Variants in TANC1 observed in about 807,000 individuals in gnomAD.
TANC1 encodes the protein tetratricopeptide repeat, ankyrin repeat and coiled-coil containing 1.
A neutral mutation model predicts 149.7 loss-of-function variants in TANC1; 77 were observed. That is an observed-to-expected ratio of 0.51 (90% CI 0.43 to 0.62). The LOEUF (loss-of-function observed/expected upper bound fraction) is 0.62, where lower values mean the gene tolerates loss of function less well. TANC1 is among the 20% of genes least tolerant of loss of function. The pLI is 0.00. For missense variants in TANC1, 1,985 were observed against 2,321.8 expected, an observed-to-expected ratio of 0.85 and a Z score of 2.98; for synonymous variants, 854 against 925.0, an observed-to-expected ratio of 0.92 and a Z score of 1.39.
intron 3 of TANC1, among the ~76,000 whole-genome samples, chr2:159,095,725 G>A (rs2046039583): frequency 1.0e-5 from 1 of 95,264 alleles, no homozygotes; most frequent in Admixed American, 1.6e-4. Context: ...AACACAGCAA[G>A]ACTGTCTCAA....
intron 2 of TANC1, among the ~76,000 whole-genome samples, chr2:159,010,669 G>A (rs956466120): frequency 6.0e-5 from 4 of 66,828 alleles, no homozygotes; most frequent in Admixed American, 1.5e-4. Context: ...TCAAGGATGT[G>A]GACGGACAGG....
At chr2:159,053,304 A>G (rs2041608978) in intron 2 of TANC1, among the ~76,000 whole-genome samples, 1 of 152,104 alleles carries the variant, frequency 6.6e-6, no homozygotes, top group Admixed American at 6.5e-5. Context: ...AAAAAAATAA[A>G]GCTATTGTCC....
chr2:159,041,583 C>T (rs562687248), intron 2 of TANC1, among the ~76,000 whole-genome samples: 25 of 152,338 alleles, frequency 1.6e-4, no homozygotes, highest in East Asian at 3.9e-4. Context: ...GAGCGGGACC[C>T]GCTGAGCCAG....
At chr2:159,031,894 G>A (rs960006120) in intron 2 of TANC1, among the ~76,000 whole-genome samples, 1 of 152,160 alleles carries the variant, frequency 6.6e-6, no homozygotes, top group Non-Finnish European at 1.5e-5. Context: ...GTCAACTGAA[G>A]CTTGCCTTAT....
In TANC1 at chr2:159,103,199, A is replaced by C. The variant is rs1310781026; in HGVS notation, c.259+5365A>C. Among the ~76,000 whole-genome samples the C allele has an allele frequency of 4.2e-5, 4 of 95,858 alleles. 2 individuals are homozygous for C. Among genetic ancestry groups the C allele is most frequent in the Non-Finnish European group, 1.2e-4 (4 of 34,464 alleles). 62.9% of individuals were successfully genotyped at this position (95,858 alleles called of 152,430 possible). A position where few individuals can be genotyped will look rare whatever the true frequency, so the allele number is the denominator to read the frequency against. ...ACAACCCATCTTTAGAACTTCCAAC[A>C]GGAATACTTTTGTCCAGTGATATTT... On this transcript the variant is annotated intron_variant, in intron 4 of 26. Coordinates refer to ENST00000263635, the MANE Select transcript of TANC1 (RefSeq NM_033394.3).
intron 2 of TANC1, among the ~76,000 whole-genome samples, chr2:159,025,129 T>C (rs1160944867): frequency 1.3e-5 from 2 of 152,148 alleles, no homozygotes; most frequent in Non-Finnish European, 2.9e-5. Flanking sequence ...TAACTTCCTT[T>C]CTTGCTTTCT....
intron 1 of TANC1, among the ~76,000 whole-genome samples, chr2:158,993,213 G>T (rs755433042): frequency 2.6e-5 from 4 of 152,190 alleles, no homozygotes; most frequent in African/African-American, 9.6e-5. Context: ...CTTTGGTTCA[G>T]TTCTCCTAAC....
rs565753912 is a variant in TANC1, at chr2:159,175,850, G to A, written c.1736-502G>A. ...TAAATAGAAAACCAGATTCAGGCTCGCAGAGAAGAGCCCTGTTGGAGGAGT... is the reference window on the plus strand; with the variant it reads ...TAAATAGAAAACCAGATTCAGGCTCACAGAGAAGAGCCCTGTTGGAGGAGT... On this transcript the variant is annotated intron_variant, in intron 12 of 26. Coordinates refer to ENST00000263635, the MANE Select transcript of TANC1 (RefSeq NM_033394.3). Among the ~76,000 whole-genome samples, 263 of 152,352 alleles carry A rather than the reference G, an allele frequency of 1.7e-3. 2 individuals are homozygous for A. Among genetic ancestry groups the A allele is most frequent in the Middle Eastern group, 0.014 (4 of 294 alleles).
chr2:159,215,597 C>T (rs527348853), intron 19 of TANC1, among the ~76,000 whole-genome samples: 1 of 152,354 alleles, frequency 6.6e-6, no homozygotes, highest in East Asian at 1.9e-4. Flanking sequence ...ACCAGCATCA[C>T]TGAGCCCTTG....
intron 2 of TANC1, among the ~76,000 whole-genome samples, chr2:159,043,756 T>C (rs2040833808): frequency 6.6e-6 from 1 of 152,238 alleles, no homozygotes; most frequent in African/African-American, 2.4e-5. Flanking sequence ...AATTTTCACA[T>C]TTTTAATAAG....
chr2:158,987,860 G>T (rs1029956122), intron 1 of TANC1, among the ~76,000 whole-genome samples: 1 of 152,152 alleles, frequency 6.6e-6, no homozygotes, highest in Non-Finnish European at 1.5e-5. Context: ...TGGGCGGGAA[G>T]GTGAAGGCTG....
chr2:159,226,614 T>TCA (rs2060039881), intron 24 of TANC1: 1 of 152,246 alleles, frequency 6.6e-6, no homozygotes, highest in Non-Finnish European at 1.5e-5. Flanking sequence ...GAAGACTGAA[T>TCA]TAATTTTTTC....
intron 2 of TANC1, among the ~76,000 whole-genome samples, chr2:159,061,987 C>T (rs1239077161): frequency 6.6e-6 from 1 of 152,146 alleles, no homozygotes; most frequent in Non-Finnish European, 1.5e-5. Context: ...CCTGTAATCC[C>T]AGCACTTTGG....
At chr2:159,136,061 C>CGAGT in intron 4 of TANC1, 133 bp from the exon 5 acceptor site, 1 of 467,470 alleles carries the variant, frequency 2.1e-6, no homozygotes, top group Non-Finnish European at 3.8e-6. Flanking sequence ...CGCGCGCGCG[C>CGAGT]GTTTAAGGGA....
At chr2:159,194,206 T>A in intron 16 of TANC1, 51 bp from the exon 17 acceptor site, 1 of 1,465,018 alleles carries the variant, frequency 6.8e-7, no homozygotes. Flanking sequence ...TTTCCAGAAA[T>A]GTTTAGATGA....
chr2:159,065,723 A>G, intron 2 of TANC1, among the ~76,000 whole-genome samples, 173 bp from the exon 3 acceptor site: 1 of 151,634 alleles, frequency 6.6e-6, no homozygotes, highest in East Asian at 1.9e-4. Flanking sequence ...TTGTGTCTTC[A>G]GCATTTAGTT....
chr2:158,989,459 A>C (rs1026178054), intron 1 of TANC1, among the ~76,000 whole-genome samples: 1 of 151,842 alleles, frequency 6.6e-6, no homozygotes, highest in Non-Finnish European at 1.5e-5. Flanking sequence ...TAAAAAAAAA[A>C]ATCAGCTGAA....
Position 159,131,551 on chromosome 2 carries a change from TCTGCTCCAC to T in TANC1, c.260-4633_260-4625del, listed in dbSNP as rs2050109907. 2.1e-5 allele frequency among the ~76,000 whole-genome samples: 3 copies of T among 139,892 alleles called. No individual in the cohort carries two copies. In the South Asian group the frequency reaches 8.0e-4, roughly 37 times the overall value. The allele number at this position is 139,892 out of a possible 152,430, so 91.8% of individuals were successfully genotyped here. On this transcript the variant is annotated intron_variant, in intron 4 of 26. Coordinates refer to ENST00000263635, the MANE Select transcript of TANC1 (RefSeq NM_033394.3). ...CCTGCCCCCACCCAACACTAACCTT[TCTGCTCCAC>T]CTGCTCCACTGCTCCTTGGCAATCT...
Position 159,136,299 on chromosome 2 carries a change from G to GT in TANC1, c.364+2dup. ...AAGCCAACAGAGCCTGATGAGCATG[G>GT]TAAGAATTTCAGTGATTTCCTTCCC... On this transcript the variant is annotated splice_donor_variant, in intron 5 of 26. Coordinates refer to ENST00000263635, the MANE Select transcript of TANC1 (RefSeq NM_033394.3). LOFTEE classifies it high-confidence loss of function. 1.3e-6 allele frequency: 2 copies of GT among 1,558,468 alleles called. No homozygotes were observed. Among genetic ancestry groups the GT allele is most frequent in the Non-Finnish European group, 1.8e-6 (2 of 1,129,318 alleles).
Sources: gnomAD v4.1 joint callset for allele counts (sites outside exome capture counted in the v4.1 genomes callset) on GRCh38, gnomAD v4.1.1 for gene constraint, MANE v1.5 for transcripts, NCBI Gene and HGNC (gene_info 2026-07-23, HGNC 2026-07-21) for gene names.